Variants in ADCY9 observed in about 807,000 individuals in gnomAD.
ADCY9 encodes the protein adenylate cyclase 9.
Under a neutral mutation model 101.5 loss-of-function variants are expected in ADCY9, and 50 were observed. That is an observed-to-expected ratio of 0.49 (90% confidence interval 0.39 to 0.62). The LOEUF (loss-of-function observed/expected upper bound fraction) is 0.62, where lower values mean the gene tolerates loss of function less well. Ranked by LOEUF, ADCY9 falls within the 20% of genes least tolerant of loss-of-function variation. The pLI is 0.00. For synonymous variants in ADCY9, 905 were observed against 769.3 expected (o/e 1.18, Z -2.92); for missense variants, 1,662 against 1,800.4 (o/e 0.92, Z 1.39).
intron 2 of ADCY9, among the ~76,000 whole-genome samples, chr16:4,082,845 A>G (rs1002484025): frequency 6.6e-6 from 1 of 152,256 alleles, no homozygotes; most frequent in African/African-American, 2.4e-5. Flanking sequence ...TCCCCTTTCC[A>G]GTAACTAAGG....
At chr16:4,076,019 C>T (rs1402794954) in intron 2 of ADCY9, among the ~76,000 whole-genome samples, 1 of 152,140 alleles carries the variant, frequency 6.6e-6, no homozygotes, top group African/African-American at 2.4e-5. Flanking sequence ...AAAAGCACAA[C>T]GTGATGACAG....
chr16:4,080,682 G>A (rs193188853), intron 2 of ADCY9, among the ~76,000 whole-genome samples: 10 of 150,626 alleles, frequency 6.6e-5, no homozygotes, highest in East Asian at 3.9e-4. Context: ...GAATCATGAC[G>A]GCGTTCTCCA....
chr16:4,110,006 C>T (rs2057103276), intron 2 of ADCY9, among the ~76,000 whole-genome samples: 1 of 152,152 alleles, frequency 6.6e-6, no homozygotes, highest in South Asian at 2.1e-4. Flanking sequence ...CCCACCTCTC[C>T]GCTCTGCCCT....
intron 2 of ADCY9, among the ~76,000 whole-genome samples, chr16:4,046,905 G>A (rs2056668834): frequency 1.3e-5 from 2 of 152,084 alleles, no homozygotes; most frequent in Admixed American, 6.6e-5. Context: ...AGCTACTTGG[G>A]AGGCTGAGGT....
At chr16:4,058,669 G>C (rs1464640240) in intron 2 of ADCY9, among the ~76,000 whole-genome samples, 1 of 152,044 alleles carries the variant, frequency 6.6e-6, no homozygotes, top group African/African-American at 2.4e-5. Flanking sequence ...GTGATCAGGA[G>C]GATAAAAGGC....
At chr16:4,054,043 C>T (rs112065096) in intron 2 of ADCY9, 3 of 151,072 alleles carry the variant, frequency 2.0e-5, no homozygotes, top group Admixed American at 6.6e-5. Flanking sequence ...ACCAGCGACA[C>T]GCTACATATT....
chr16:4,024,092 G>C (rs1320337594), intron 2 of ADCY9, among the ~76,000 whole-genome samples: 3 of 151,112 alleles, frequency 2.0e-5, no homozygotes, highest in Non-Finnish European at 4.4e-5. Context: ...ACACAATCTC[G>C]GCTCACTGCA....
intron 3 of ADCY9, among the ~76,000 whole-genome samples, chr16:3,999,396 A>T (rs1397672692): frequency 1.3e-5 from 2 of 152,188 alleles, no homozygotes; most frequent in Non-Finnish European, 2.9e-5. Flanking sequence ...GGCAGCAATG[A>T]TCATTCCGCA....
intron 2 of ADCY9, among the ~76,000 whole-genome samples, chr16:4,033,678 G>T (rs1362921576): frequency 2.0e-5 from 3 of 152,144 alleles, no homozygotes; most frequent in African/African-American, 7.2e-5. Context: ...GCCTCCCAAA[G>T]TGCTGGGATT....
intron 2 of ADCY9, among the ~76,000 whole-genome samples, chr16:4,044,975 G>C (rs565721036): frequency 6.3e-4 from 96 of 152,192 alleles, no homozygotes; most frequent in African/African-American, 2.3e-3. Flanking sequence ...GTGCTGGCTC[G>C]GTATGGTTGA....
In ADCY9 at chr16:3,983,517, G is replaced by C. The variant is rs550580095; in HGVS notation, c.2311-77C>G. The C allele has an allele frequency of 5.5e-4, 702 of 1,264,952 alleles. 6 individuals are homozygous for C. Among genetic ancestry groups the C allele is most frequent in the South Asian group, 3.0e-3 (231 of 76,300 alleles). The allele number at this position is 1,264,952 out of a possible 1,614,324, so 78.4% of individuals were successfully genotyped here. ...GAGCGCAGTTCAGATGGAGAAACAGGCAACACGTGCGGAGCACTGCTGCTC... is the reference window on the plus strand; with the variant it reads ...GAGCGCAGTTCAGATGGAGAAACAGCCAACACGTGCGGAGCACTGCTGCTC... On this transcript the variant is annotated intron_variant, in intron 6 of 10. Transcript: ENST00000294016.
intron 2 of ADCY9, among the ~76,000 whole-genome samples, chr16:4,019,746 G>A (rs2056462203): frequency 6.6e-6 from 1 of 152,194 alleles, no homozygotes; most frequent in African/African-American, 2.4e-5. Flanking sequence ...GACTAGTGGA[G>A]GTACTAGCCT....
At chr16:3,985,886 C>G (rs1048816452) in intron 6 of ADCY9, among the ~76,000 whole-genome samples, 4 of 152,152 alleles carry the variant, frequency 2.6e-5, no homozygotes, top group African/African-American at 9.7e-5. Context: ...CCCATCTGCC[C>G]CACCCCTGTG....
In ADCY9 at chr16:4,064,166, A is replaced by G. The variant is rs192305735; in HGVS notation, c.1693+49584T>C. 2.6e-5 allele frequency among the ~76,000 whole-genome samples: 4 copies of G among 152,388 alleles called. No homozygotes were observed. The East Asian group carries it at 7.7e-4, about 29-fold the overall frequency. ...AATGAACAATCCAAAAACAAAATTA[A>G]GAAATAATTCCATTTGTAATAGCAT... On this transcript the variant is annotated intron_variant, in intron 2 of 10. Coordinates refer to ENST00000294016, the MANE Select transcript of ADCY9 (RefSeq NM_001116.4).
chr16:3,965,432 G>C lies in ADCY9; in HGVS notation c.*343C>G, dbSNP rs2055981030. 1 of 306,762 alleles carries C rather than the reference G, an allele frequency of 3.3e-6. No homozygotes were observed. The highest frequency in any genetic ancestry group is 6.0e-6 in the Non-Finnish European group (1 of 166,234). 19.0% of individuals were successfully genotyped at this position (306,762 alleles called of 1,614,324 possible). ...CAATAAAAATGAGATCTTAACCACA[G>C]CTTTTGTTCTAAAAGTCAAATAATA... On this transcript the variant is annotated 3_prime_UTR_variant, in exon 11 of 11. Transcript: ENST00000294016.
At chr16:4,103,197 T>A (rs1167942356) in intron 2 of ADCY9, among the ~76,000 whole-genome samples, 1 of 152,146 alleles carries the variant, frequency 6.6e-6, no homozygotes, top group African/African-American at 2.4e-5. Context: ...TTCACACACA[T>A]GAGAATGCGT....
At chr16:4,090,400 C>G (rs975170401) in intron 2 of ADCY9, among the ~76,000 whole-genome samples, 3 of 152,070 alleles carry the variant, frequency 2.0e-5, no homozygotes, top group African/African-American at 7.2e-5. Flanking sequence ...CTTGTTTTAA[C>G]AACATGAAAA....
chr16:4,063,270 G>A (rs1246567075), intron 2 of ADCY9, among the ~76,000 whole-genome samples: 1 of 151,910 alleles, frequency 6.6e-6, no homozygotes, highest in Non-Finnish European at 1.5e-5. Context: ...AAATCACAAG[G>A]GAAGTTTAAA....
chr16:4,109,279 G>A (rs964615233), intron 2 of ADCY9, among the ~76,000 whole-genome samples: 1 of 152,192 alleles, frequency 6.6e-6, no homozygotes, highest in Non-Finnish European at 1.5e-5. Context: ...GCCCAGGCTG[G>A]AATGCAGTGG....
Sources: allele counts gnomAD v4.1 joint callset (sites outside exome capture counted in the v4.1 genomes callset), GRCh38; gene constraint gnomAD v4.1.1; transcripts MANE v1.5; gene names NCBI Gene and HGNC (gene_info 2026-07-23, HGNC 2026-07-21).